Variants in GPBP1 observed in about 807,000 individuals in gnomAD.
GPBP1 encodes vasculin.
Under a neutral mutation model 56.5 loss-of-function variants are expected in GPBP1, and 13 were observed. That is an observed-to-expected ratio of 0.23 (90% CI 0.15 to 0.37). The LOEUF (loss-of-function observed/expected upper bound fraction) is 0.37. Among genes scored for constraint, GPBP1 ranks in the 10% least tolerant of loss-of-function variants. The probability of loss-of-function intolerance (pLI) is 1.00; values close to 1 mark genes in which losing one functional copy is unlikely to be tolerated. For synonymous variants in GPBP1, 204 were observed against 188.9 expected, an observed-to-expected ratio of 1.08 and a Z score of -0.66; for missense variants, 477 against 572.3, an observed-to-expected ratio of 0.83 and a Z score of 1.70.
rs895141220 is a variant in GPBP1 at position 57,263,346 on chromosome 5, T to C, written c.*594T>C. On this transcript the variant is annotated 3_prime_UTR_variant, in exon 12 of 12. Coordinates refer to ENST00000506184, the MANE Select transcript of GPBP1 (RefSeq NM_022913.4). The stretch of plus-strand genomic sequence containing the variant: ...ATTCACCTTTTAAACCATAAATTGC[T>C]CTTTAGCCATTTGTAGTGCAGTAAA... 5 of 152,200 alleles carry C rather than the reference T, an allele frequency of 3.3e-5. No homozygotes were observed. Among genetic ancestry groups the C allele is most frequent in the African/African-American group, 9.7e-5 (4 of 41,448 alleles). 9.4% of individuals were successfully genotyped at this position (152,200 alleles called of 1,614,324 possible).
chr5:57,225,867 T>C (rs1387482626), intron 3 of GPBP1, among the ~76,000 whole-genome samples: 1 of 152,224 alleles, frequency 6.6e-6, no homozygotes, highest in Non-Finnish European at 1.5e-5. Context: ...ATGCCATCAA[T>C]GCAGCTCCTA....
At chr5:57,218,572 C>T (rs554941312) in intron 3 of GPBP1, among the ~76,000 whole-genome samples, 3 of 152,120 alleles carry the variant, frequency 2.0e-5, no homozygotes, top group Non-Finnish European at 4.4e-5. Context: ...GCTGAAAGTT[C>T]ATACCCTCTA....
intron 3 of GPBP1, among the ~76,000 whole-genome samples, chr5:57,227,307 T>C (rs1056935505): frequency 2.6e-5 from 4 of 152,150 alleles, no homozygotes; most frequent in Non-Finnish European, 5.9e-5. Context: ...CCTCAGGTGA[T>C]CTGCCCACCT....
At chr5:57,247,053 A>G (rs1235878157) in intron 7 of GPBP1, 22 bp from the exon 8 acceptor site, 1 of 1,596,220 alleles carries the variant, frequency 6.3e-7, no homozygotes, top group South Asian at 1.1e-5. Context: ...ATAGCCATTA[A>G]TGTTTGTGTG....
At chr5:57,176,568 CTG>C (rs146650689) in intron 2 of GPBP1, among the ~76,000 whole-genome samples, 168 bp downstream of exon 2, 8,028 of 152,238 alleles carry the variant, frequency 0.053, 268 homozygotes, top group Non-Finnish European at 0.081. Flanking sequence ...TCTGAGTAAA[CTG>C]AAATTCAGAA....
intron 10 of GPBP1, among the ~76,000 whole-genome samples, chr5:57,258,272 CAG>C (rs1425548782): frequency 5.9e-5 from 9 of 152,060 alleles, no homozygotes; most frequent in Non-Finnish European, 1.2e-4. Context: ...TGCTTAATGA[CAG>C]GGATATATTC....
chr5:57,212,077 C>T (rs1303495099), intron 2 of GPBP1, among the ~76,000 whole-genome samples: 1 of 152,048 alleles, frequency 6.6e-6, no homozygotes, highest in African/African-American at 2.4e-5. Flanking sequence ...GCTGGGATTA[C>T]AGGTGCCCAC....
chr5:57,178,564 C>A (rs980719199), intron 2 of GPBP1, among the ~76,000 whole-genome samples: 15 of 152,102 alleles, frequency 9.9e-5, no homozygotes, highest in African/African-American at 3.6e-4. Flanking sequence ...TTCTAAATTG[C>A]CATTACTGAT....
intron 10 of GPBP1, among the ~76,000 whole-genome samples, chr5:57,251,571 A>G (rs969081705): frequency 8.3e-6 from 1 of 121,042 alleles, no homozygotes. Flanking sequence ...AGTTGTTTCC[A>G]CCTCTTTTTT....
At chr5:57,262,461 AT>A in intron 11 of GPBP1, 132 bp from the exon 12 acceptor site, 3 of 683,842 alleles carry the variant, frequency 4.4e-6, no homozygotes, top group South Asian at 3.9e-5. Context: ...TGGATCCAGA[AT>A]TTTTTCAGAA....
At chr5:57,261,489 C>T (rs1334418818) in intron 11 of GPBP1, among the ~76,000 whole-genome samples, 1 of 152,060 alleles carries the variant, frequency 6.6e-6, no homozygotes, top group African/African-American at 2.4e-5. Flanking sequence ...ATCCTCCAAC[C>T]TTAGCCTCTG....
chr5:57,200,252 T>G (rs2111689877), intron 2 of GPBP1, among the ~76,000 whole-genome samples: 1 of 151,028 alleles, frequency 6.6e-6, no homozygotes, highest in South Asian at 2.1e-4. Flanking sequence ...CGGTGATAAA[T>G]TCCATGTTCT....
intron 2 of GPBP1, among the ~76,000 whole-genome samples, chr5:57,205,559 A>G (rs144464413): frequency 1.5e-4 from 22 of 146,754 alleles, no homozygotes; most frequent in Admixed American, 7.5e-4. Flanking sequence ...GTTTTTCCAC[A>G]TCTTTGCTAA....
At position 57,259,647 on chromosome 5, in the gene GPBP1, A is replaced by G. The variant is rs1741807155; in HGVS notation, c.1161-1533A>G. ...ATTTAAGATTAGGAAATGAAGTCAG[A>G]AGGAGCCAAATCAGGACTGAAAGGT... On this transcript the variant is annotated intron_variant, in intron 10 of 11. Coordinates refer to ENST00000506184, the MANE Select transcript of GPBP1 (RefSeq NM_022913.4). Among the ~76,000 whole-genome samples, 3 of 152,314 alleles carry G rather than the reference A, an allele frequency of 2.0e-5. No homozygotes were observed. The South Asian group carries it at 6.2e-4, about 32-fold the overall frequency.
chr5:57,223,958 C>T (rs916559869), intron 3 of GPBP1, among the ~76,000 whole-genome samples: 1 of 151,478 alleles, frequency 6.6e-6, no homozygotes, highest in Admixed American at 6.6e-5. Context: ...CTCAGCCTCC[C>T]GAGTAGCTGG....
intron 6 of GPBP1, among the ~76,000 whole-genome samples, chr5:57,241,062 A>T (rs759497743): frequency 1.3e-5 from 2 of 152,192 alleles, no homozygotes; most frequent in Admixed American, 6.5e-5. Context: ...TGTTGTTCAA[A>T]TCCAATAAAT....
chr5:57,254,841 A>T (rs1035283954), intron 10 of GPBP1, among the ~76,000 whole-genome samples: 6 of 152,194 alleles, frequency 3.9e-5, no homozygotes, highest in African/African-American at 1.4e-4. Context: ...ACTTGTTTAG[A>T]CAAAGTATAA....
intron 3 of GPBP1, among the ~76,000 whole-genome samples, chr5:57,216,784 GT>G (rs1441648107): frequency 6.6e-6 from 1 of 151,984 alleles, no homozygotes; most frequent in Non-Finnish European, 1.5e-5. Context: ...TGAAAACTTC[GT>G]GTTTCTGTAC....
At chr5:57,229,333 T>A (rs971655096) in intron 3 of GPBP1, among the ~76,000 whole-genome samples, 2 of 151,004 alleles carry the variant, frequency 1.3e-5, no homozygotes, top group Non-Finnish European at 3.0e-5. Context: ...AGGTGCCAGC[T>A]TTGTTCTAAT....
Sources: allele counts gnomAD v4.1 joint callset (sites outside exome capture counted in the v4.1 genomes callset), GRCh38; gene constraint gnomAD v4.1.1; transcripts MANE v1.5; gene names NCBI Gene and HGNC (gene_info 2026-07-23, HGNC 2026-07-21).